Variants in BRINP2 observed in about 807,000 individuals in gnomAD.
BRINP2 encodes BMP/retinoic acid inducible neural specific 2.
In BRINP2, 21 loss-of-function variants were observed where a neutral mutation model predicts 69.2. The observed-to-expected ratio is 0.30, with a 90% confidence interval of 0.22 to 0.44. BRINP2 has a LOEUF of 0.44. BRINP2 is among the 20% of genes least tolerant of loss of function. The pLI, the probability that BRINP2 is intolerant of heterozygous loss-of-function variation, is 1.00. For synonymous variants in BRINP2, 380 were observed against 394.1 expected, an observed-to-expected ratio of 0.96 and a Z score of 0.42; for missense variants, 877 against 986.0, an observed-to-expected ratio of 0.89 and a Z score of 1.48.
chr1:177,246,746 G>A (rs1291767418), intron 2 of BRINP2, among the ~76,000 whole-genome samples: 1 of 152,192 alleles, frequency 6.6e-6, no homozygotes, highest in Non-Finnish European at 1.5e-5. Context: ...CAATCTCTCA[G>A]GAAAGCACTA....
chr1:177,197,968 A>C (rs1571892751), intron 1 of BRINP2, among the ~76,000 whole-genome samples: 1 of 152,220 alleles, frequency 6.6e-6, no homozygotes, highest in Admixed American at 6.5e-5. Flanking sequence ...AAGCAGATCA[A>C]ATTTGCATTT....
At chr1:177,179,946 T>TCA (rs1256774559) in intron 1 of BRINP2, among the ~76,000 whole-genome samples, 1 of 152,124 alleles carries the variant, frequency 6.6e-6, no homozygotes, top group African/African-American at 2.4e-5. Flanking sequence ...ACGTATGTAT[T>TCA]CACACACACG....
At chr1:177,191,736 G>C (rs1648602088) in intron 1 of BRINP2, among the ~76,000 whole-genome samples, 1 of 152,178 alleles carries the variant, frequency 6.6e-6, no homozygotes, top group Non-Finnish European at 1.5e-5. Context: ...TTACAGGCGT[G>C]AGCCACCACG....
intron 2 of BRINP2, among the ~76,000 whole-genome samples, chr1:177,253,797 A>G (rs1351440394): frequency 6.6e-6 from 1 of 151,980 alleles, no homozygotes; most frequent in East Asian, 1.9e-4. Flanking sequence ...CCTTTCCCCA[A>G]TGTGTGTTCC....
intron 2 of BRINP2, among the ~76,000 whole-genome samples, chr1:177,254,378 GCACACACACA>G (rs71565492): frequency 5.6e-5 from 8 of 144,012 alleles, no homozygotes; most frequent in Middle Eastern, 3.5e-3. Flanking sequence ...AAGCACACAT[GCACACACACA>G]CACACACACA....
At chr1:177,248,593 A>G (rs777249335) in intron 2 of BRINP2, among the ~76,000 whole-genome samples, 5 of 151,840 alleles carry the variant, frequency 3.3e-5, no homozygotes, top group African/African-American at 4.8e-5. Context: ...GGCCAGGTCA[A>G]TGTTCTCAGT....
chr1:177,230,792 C>T (rs1383940021), intron 2 of BRINP2, among the ~76,000 whole-genome samples: 1 of 152,180 alleles, frequency 6.6e-6, no homozygotes, highest in Non-Finnish European at 1.5e-5. Flanking sequence ...GCTGGACCTG[C>T]ACTTCAAAAA....
intron 2 of BRINP2, among the ~76,000 whole-genome samples, chr1:177,248,084 A>G (rs1394213714): frequency 1.3e-5 from 2 of 152,142 alleles, no homozygotes; most frequent in Non-Finnish European, 2.9e-5. Flanking sequence ...AAGATGAAAG[A>G]TCTATTAAAA....
chr1:177,242,564 G>A (rs904878551), intron 2 of BRINP2, among the ~76,000 whole-genome samples: 3 of 151,782 alleles, frequency 2.0e-5, no homozygotes, highest in African/African-American at 7.3e-5. Context: ...AATTATCATC[G>A]CCATATGAAG....
At chr1:177,209,006 G>T (rs1649148009) in intron 1 of BRINP2, among the ~76,000 whole-genome samples, 1 of 152,104 alleles carries the variant, frequency 6.6e-6, no homozygotes. Flanking sequence ...CAAGAGTGAG[G>T]CTTGTCATTC....
At chr1:177,197,047 C>T (rs12076832) in intron 1 of BRINP2, among the ~76,000 whole-genome samples, 18,635 of 151,918 alleles carry the variant, frequency 0.12, 2,017 homozygotes, top group African/African-American at 0.28. Context: ...GAAGGTTGGG[C>T]CCCGTATTAG....
At chr1:177,240,632 G>A (rs1452811077) in intron 2 of BRINP2, among the ~76,000 whole-genome samples, 4 of 152,172 alleles carry the variant, frequency 2.6e-5, no homozygotes, top group Non-Finnish European at 5.9e-5. Flanking sequence ...TGTGACTGGA[G>A]GCTGAGAATA....
At chr1:177,232,974 G>T (rs977067847) in intron 2 of BRINP2, among the ~76,000 whole-genome samples, 2 of 152,150 alleles carry the variant, frequency 1.3e-5, no homozygotes, top group African/African-American at 4.8e-5. Flanking sequence ...ATTCAAGGGG[G>T]TCAGTATATT....
intron 1 of BRINP2, among the ~76,000 whole-genome samples, chr1:177,223,081 A>T (rs1649589938): frequency 6.6e-6 from 1 of 152,164 alleles, no homozygotes; most frequent in African/African-American, 2.4e-5. Context: ...CCGGAGTAGA[A>T]GGGTCTCCCT....
At chr1:177,276,908 C>T (rs535460511) in intron 6 of BRINP2, among the ~76,000 whole-genome samples, 4 of 151,628 alleles carry the variant, frequency 2.6e-5, no homozygotes, top group Non-Finnish European at 5.9e-5. Flanking sequence ...TGCATCCTTG[C>T]CTGGTTTGAC....
At chr1:177,245,958 G>A (rs1650363994) in intron 2 of BRINP2, among the ~76,000 whole-genome samples, 1 of 152,142 alleles carries the variant, frequency 6.6e-6, no homozygotes, top group Admixed American at 6.5e-5. Context: ...GCAAAATTGG[G>A]AAGATTAGAA....
chr1:177,203,145 C>A (rs1648971232), intron 1 of BRINP2, among the ~76,000 whole-genome samples: 3 of 152,016 alleles, frequency 2.0e-5, no homozygotes, highest in Non-Finnish European at 4.4e-5. Context: ...TACTATGCAG[C>A]CATAAAAAAT....
At chr1:177,224,933 A>T (rs578023310) in intron 1 of BRINP2, among the ~76,000 whole-genome samples, 1 of 152,318 alleles carries the variant, frequency 6.6e-6, no homozygotes, top group East Asian at 1.9e-4. Flanking sequence ...ACTCCCCAAG[A>T]TATAACCCCT....
chr1:177,264,886 A>G (rs1219610328), intron 4 of BRINP2, among the ~76,000 whole-genome samples: 1 of 152,216 alleles, frequency 6.6e-6, no homozygotes. Flanking sequence ...TGCCCAAAGT[A>G]ATTTATAGAT....
Sources: allele counts gnomAD v4.1 joint callset (sites outside exome capture counted in the v4.1 genomes callset), GRCh38; gene constraint gnomAD v4.1.1; transcripts MANE v1.5; gene names NCBI Gene and HGNC (gene_info 2026-07-23, HGNC 2026-07-21).